The following SETD1B variants were observed in gnomAD, a reference collection of about 807,000 sequenced individuals.
The protein encoded by SETD1B is SET domain containing 1B, histone lysine methyltransferase.
A neutral mutation model predicts 148.0 loss-of-function variants in SETD1B; 7 were observed. That is an observed-to-expected ratio of 0.05 (90% CI 0.03 to 0.09). The LOEUF is 0.09. Ranked by LOEUF, SETD1B falls within the 10% of genes least tolerant of loss-of-function variation. The pLI is 1.00. For synonymous variants in SETD1B, 1,361 were observed against 1,186.5 expected (o/e 1.15, Z -3.02); for missense variants, 2,155 against 2,729.9 (o/e 0.79, Z 4.69).
At position 121,808,378 on chromosome 12, in the gene SETD1B, C is replaced by T. The variant is rs894427249; in HGVS notation, c.657+58C>T. ...CAGCTCTTTGATGTGCCCCCCACCT[C>T]TGGAAAGCCTCACCAACTCTCTTAT... On this transcript the variant is annotated intron_variant, in intron 5 of 16. Coordinates refer to ENST00000604567, the MANE Select transcript of SETD1B (RefSeq NM_001353345.2). This position sits in a 1 kb window ranked among gnomAD's most constrained non-coding sequence, Gnocchi z 5.3. 15 of 1,198,534 alleles carry T rather than the reference C, an allele frequency of 1.3e-5. No homozygotes were observed. The highest frequency in any genetic ancestry group is 1.4e-5 in the Non-Finnish European group (12 of 839,286). 74.2% of individuals were successfully genotyped at this position (1,198,534 alleles called of 1,614,324 possible). A position where few individuals can be genotyped will look rare whatever the true frequency, so the allele number is the denominator to read the frequency against.
chr12:121,815,806 A>C (rs1362537190), intron 7 of SETD1B, among the ~76,000 whole-genome samples: 1 of 141,888 alleles, frequency 7.0e-6, no homozygotes, highest in Non-Finnish European at 1.5e-5. Context: ...TGGCCTACTT[A>C]CTATTTTCTT....
At chr12:121,824,421 C>T (rs535101387) in intron 12 of SETD1B, among the ~76,000 whole-genome samples, 5 of 152,128 alleles carry the variant, frequency 3.3e-5, no homozygotes, top group African/African-American at 7.2e-5. Flanking sequence ...CTGAGGCGGA[C>T]GGATCACTCG....
At chr12:121,798,266 T>C in the SETD1B span, among the ~76,000 whole-genome samples, 3 of 152,188 alleles carry the variant, frequency 2.0e-5, no homozygotes, top group Non-Finnish European at 4.4e-5. Context: ...GAACAGCCCC[T>C]GTGGATGGGG....
At chr12:121,797,304 C>T in the SETD1B span, 2 of 387,148 alleles carry the variant, frequency 5.2e-6, no homozygotes, top group South Asian at 3.8e-5. Flanking sequence ...CCTGGCCGGC[C>T]CTTCCGCTGG....
rs1421778830 is a variant in SETD1B at position 121,804,363 on chromosome 12, C to G, written c.-15+130C>G. The G allele has an allele frequency of 6.9e-6, 1 of 145,710 alleles. No individual in the cohort carries two copies. The highest frequency in any genetic ancestry group is 1.5e-5 in the Non-Finnish European group (1 of 65,646). 9.0% of individuals were successfully genotyped at this position (145,710 alleles called of 1,614,324 possible). A position where few individuals can be genotyped will look rare whatever the true frequency, so the allele number is the denominator to read the frequency against. Reference sequence around the variant, plus strand: ...CGCCGCCAGGCCCTGCCGCCAGCCTCGCGCCAGAGCCGGGCCGAGCTAGCG... The same window carrying G: ...CGCCGCCAGGCCCTGCCGCCAGCCTGGCGCCAGAGCCGGGCCGAGCTAGCG... On this transcript the variant is annotated intron_variant, in intron 1 of 16. Transcript: ENST00000604567. The surrounding 1 kb of genome is among the most constrained non-coding windows in gnomAD (Gnocchi z 4.6).
chr12:121,832,347 G>A lies in SETD1B; in HGVS notation c.*2108G>A, dbSNP rs1006386635. ...GAGTGGTTTGCAATAATCAAGATATGTGTCGAGTCATTTTTCTTTCAACTC... is the reference window on the plus strand; with the variant it reads ...GAGTGGTTTGCAATAATCAAGATATATGTCGAGTCATTTTTCTTTCAACTC... On this transcript the variant is annotated 3_prime_UTR_variant, in exon 17 of 17. Transcript: ENST00000604567. The A allele has an allele frequency of 1.1e-4, 17 of 154,406 alleles. No homozygotes were observed. The highest frequency in any genetic ancestry group is 3.4e-4 in the African/African-American group (14 of 41,434). The allele number at this position is 154,406 out of a possible 1,614,324, so 9.6% of individuals were successfully genotyped here.
chr12:121,810,844 GTGTC>G lies in SETD1B; in HGVS notation c.1890+14_1890+17del. 6.7e-7 allele frequency: 1 copy of G among 1,485,260 alleles called. No homozygotes were observed. The allele number at this position is 1,485,260 out of a possible 1,614,324, so 92.0% of individuals were successfully genotyped here. A position where few individuals can be genotyped will look rare whatever the true frequency, so the allele number is the denominator to read the frequency against. ...CAGAGAAGATGGATGAGGTACCACC[GTGTC>G]TGTCCATCTGTCTGGGACTGGTTTT... On this transcript the variant is annotated intron_variant, in intron 6 of 16. Coordinates refer to ENST00000604567, the MANE Select transcript of SETD1B (RefSeq NM_001353345.2). This position sits in a 1 kb window ranked among gnomAD's most constrained non-coding sequence, Gnocchi z 7.6.
At position 121,817,149 on chromosome 12, in the gene SETD1B, C is replaced by T. The variant is rs781123869; in HGVS notation, c.2832C>T (p.Tyr944=). 1.7e-4 allele frequency: 260 copies of T among 1,548,928 alleles called. No homozygotes were observed. Among genetic ancestry groups the T allele is most frequent in the Non-Finnish European group, 5.1e-5 (59 of 1,146,912 alleles). Residue 944 remains tyrosine (Y), a synonymous_variant, in exon 8 of 17, where the codon TAC becomes TAT. Coordinates refer to ENST00000604567, the MANE Select transcript of SETD1B (RefSeq NM_001353345.2). This position sits in a 1 kb window ranked among gnomAD's most constrained non-coding sequence, Gnocchi z 8.1. ...GGGGCAAGGGCGAGGGCCTGGGCTA[C>T]GAGGGCCTGGGCCTGGGCATTGGGC... is the stretch of plus-strand genomic sequence containing the variant. ...ESWGKGEGLG[Y]EGLGLGIGLR...
rs1159705094 is a variant in SETD1B at position 121,805,009 on chromosome 12, G to A, written c.174+98G>A. ...CCCCCGCCCGATCCCCCGGCCAACTGTCAGACGGGGCCCCAGCCCTGGAGT... is the reference window on the plus strand; with the variant it reads ...CCCCCGCCCGATCCCCCGGCCAACTATCAGACGGGGCCCCAGCCCTGGAGT... On this transcript the variant is annotated intron_variant, in intron 2 of 16. Coordinates refer to ENST00000604567, the MANE Select transcript of SETD1B (RefSeq NM_001353345.2). The surrounding 1 kb of genome is among the most constrained non-coding windows in gnomAD (Gnocchi z 4.2). 1 of 1,463,092 alleles carries A rather than the reference G, an allele frequency of 6.8e-7. No individual in the cohort carries two copies. The highest frequency in any genetic ancestry group is 9.2e-7 in the Non-Finnish European group (1 of 1,087,632). 90.6% of individuals were successfully genotyped at this position (1,463,092 alleles called of 1,614,324 possible). A position where few individuals can be genotyped will look rare whatever the true frequency, so the allele number is the denominator to read the frequency against.
chr12:121,812,643 G>T lies in SETD1B; in HGVS notation c.1891-1463G>T, dbSNP rs553304646. Reference sequence around the variant, plus strand: ...CCCGGGTTAACCCTCTGTGTGCCGCGGCGCGCTGTGCTCGGCTCTGTCCAG... The same window carrying T: ...CCCGGGTTAACCCTCTGTGTGCCGCTGCGCGCTGTGCTCGGCTCTGTCCAG... On this transcript the variant is annotated intron_variant, in intron 6 of 16. Coordinates refer to ENST00000604567, the MANE Select transcript of SETD1B (RefSeq NM_001353345.2). Among the ~76,000 whole-genome samples, 516 of 152,250 alleles carry T rather than the reference G, an allele frequency of 3.4e-3. 3 individuals carry two copies. The highest frequency in any genetic ancestry group is 0.011 in the South Asian group (55 of 4,830).
In SETD1B at chr12:121,817,141, C is replaced by A. The variant is rs1473472724; in HGVS notation, c.2824C>A (p.Leu942Met). 1.4e-5 allele frequency: 21 copies of A among 1,548,952 alleles called. No individual in the cohort carries two copies. Among genetic ancestry groups the A allele is most frequent in the Non-Finnish European group, 1.7e-5 (20 of 1,146,898 alleles). The change falls in exon 8 of 17, where the codon CTG becomes ATG. Residue 942 changes from leucine (L) to methionine (M), a missense_variant. This residue lies in a region of SETD1B where 289 missense variants were observed against 423.7 expected (regional missense o/e 0.68). Transcript: ENST00000604567. This position sits in a 1 kb window ranked among gnomAD's most constrained non-coding sequence, Gnocchi z 8.1. ...LLESWGKGEGLGYEGLGLGIG... is the reference protein window; with the variant it reads ...LLESWGKGEGMGYEGLGLGIG... ...GGAGTCATGGGGCAAGGGCGAGGGC[C>A]TGGGCTACGAGGGCCTGGGCCTGGG...
rs769880259 is a variant in SETD1B, at chr12:121,817,515, G to A, written c.3123G>A (p.Leu1041=). 1.5e-5 allele frequency: 24 copies of A among 1,551,474 alleles called. No individual in the cohort carries two copies. In the Admixed American group the frequency reaches 2.4e-4, roughly 15 times the overall value. The part of the protein sequence containing the change: ...SGGEEDEKES[L]SASSSSSASS... ...GGGAGGAGGACGAGAAGGAGTCATT[G>A]TCGGCGTCCTCGTCCTCATCCGCGT... The change falls in exon 9 of 17, where the codon TTG becomes TTA. Residue 1041 remains leucine, a synonymous_variant. Transcript: ENST00000604567. This position sits in a 1 kb window ranked among gnomAD's most constrained non-coding sequence, Gnocchi z 8.1.
intron 4 of SETD1B, among the ~76,000 whole-genome samples, chr12:121,806,884 C>T (rs1358558769): frequency 3.9e-5 from 6 of 152,186 alleles, no homozygotes. Context: ...GAGGGCATTC[C>T]CCAAAGTGTG....
intron 6 of SETD1B, among the ~76,000 whole-genome samples, chr12:121,813,051 C>G (rs1290511770): frequency 6.6e-6 from 1 of 152,094 alleles, no homozygotes; most frequent in Non-Finnish European, 1.5e-5. Context: ...ACATTTACCC[C>G]TCACCACCGC....
rs1592987817 is a variant in SETD1B, at chr12:121,822,651, G to A, written c.4072G>A (p.Asp1358Asn). The A allele has an allele frequency of 1.3e-6, 2 of 1,551,008 alleles. No individual in the cohort carries two copies. The highest frequency in any genetic ancestry group is 4.9e-5 in the East Asian group (2 of 40,882). The change falls in exon 12 of 17, where the codon GAC becomes AAC. Residue 1358 changes from aspartate to asparagine, a missense_variant. By Grantham distance (23) the Asp-to-Asn change is conservative. Coordinates refer to ENST00000604567, the MANE Select transcript of SETD1B (RefSeq NM_001353345.2). ...PSVPPEPLAEDHPPHTPGLCG... is the reference protein window; with the variant it reads ...PSVPPEPLAENHPPHTPGLCG... Reference sequence around the variant, plus strand: ...TGTCCCTCCGGAGCCCCTTGCCGAGGACCACCCCCCGCATACTCCAGGCCT... The same window carrying A: ...TGTCCCTCCGGAGCCCCTTGCCGAGAACCACCCCCCGCATACTCCAGGCCT...
At chr12:121,801,526 G>T (rs1448925564), upstream of SETD1B, 2 of 152,690 alleles carry the variant, frequency 1.3e-5, no homozygotes, top group African/African-American at 2.4e-5. Flanking sequence ...CCTGCAAAAG[G>T]GTTTCCTCGA....
At chr12:121,793,404 G>C in the SETD1B span, 1 of 1,499,620 alleles carries the variant, frequency 6.7e-7, no homozygotes, top group Non-Finnish European at 9.0e-7. Context: ...CCGCCTGTCC[G>C]TGCTCGGGAC....
At chr12:121,818,708 G>A (rs1436642418) in intron 10 of SETD1B, among the ~76,000 whole-genome samples, 1 of 151,790 alleles carries the variant, frequency 6.6e-6, no homozygotes, top group Non-Finnish European at 1.5e-5. Flanking sequence ...GGCTAACACG[G>A]TGAAACCCCG....
rs1161644942 is a variant in SETD1B, at chr12:121,805,687, A to T, written c.274-148A>T. Reference sequence around the variant, plus strand: ...CGCGTGCATTTTTTTTTTCCAAAAAAAATTTTTTTTTTTTTTTTAATTTTT... The same window carrying T: ...CGCGTGCATTTTTTTTTTCCAAAAATAATTTTTTTTTTTTTTTTAATTTTT... On this transcript the variant is annotated intron_variant, in intron 3 of 16. Coordinates refer to ENST00000604567, the MANE Select transcript of SETD1B (RefSeq NM_001353345.2). The surrounding 1 kb of genome is among the most constrained non-coding windows in gnomAD (Gnocchi z 4.2). 4 of 688,366 alleles carry T rather than the reference A, an allele frequency of 5.8e-6. No individual in the cohort carries two copies. The East Asian group carries it at 1.1e-4, about 19-fold the overall frequency. The allele number at this position is 688,366 out of a possible 1,614,324, so 42.6% of individuals were successfully genotyped here.
Sources: gnomAD v4.1 joint callset for allele counts (sites outside exome capture counted in the v4.1 genomes callset) on GRCh38, gnomAD v4.1.1 for gene constraint, gnomAD v4.1.1 regional missense constraint, Gnocchi (gnomAD v3.1) non-coding constraint, MANE v1.5 for transcripts, NCBI Gene and HGNC (gene_info 2026-07-23, HGNC 2026-07-21) for gene names.